BAIAP2L1: variants seen among roughly 807,000 people sequenced by gnomAD.
BAIAP2L1 encodes BAR/IMD domain containing adaptor protein 2 like 1, also known as BAR/IMD domain-containing adapter protein 2-like 1.
Under a neutral mutation model 66.3 loss-of-function variants are expected in BAIAP2L1, and 35 were observed. The observed-to-expected ratio is 0.53, with a 90% CI of 0.40 to 0.70. The LOEUF is 0.70. BAIAP2L1 is among the 30% of genes least tolerant of loss of function. The pLI, the probability that BAIAP2L1 is intolerant of heterozygous loss-of-function variation, is 0.00. For synonymous variants in BAIAP2L1, 269 were observed against 248.7 expected (o/e 1.08, Z -0.77); for missense variants, 622 against 656.9 (o/e 0.95, Z 0.58).
intron 12 of BAIAP2L1, among the ~76,000 whole-genome samples, chr7:98,297,442 G>A (rs567141851): frequency 2.0e-5 from 3 of 152,230 alleles, no homozygotes; most frequent in South Asian, 4.1e-4. Flanking sequence ...CACTGCAGAG[G>A]GCAGGACAGA....
chr7:98,302,468 G>T (rs769014384), intron 12 of BAIAP2L1, among the ~76,000 whole-genome samples: 2 of 152,140 alleles, frequency 1.3e-5, no homozygotes, highest in African/African-American at 2.4e-5. Flanking sequence ...ACGTCCACAC[G>T]TGCCTCCTCA....
At chr7:98,315,743 G>T (rs1215023761) in intron 6 of BAIAP2L1, 131 bp from the exon 7 acceptor site, 2 of 387,894 alleles carry the variant, frequency 5.2e-6, no homozygotes, top group African/African-American at 4.1e-5. Flanking sequence ...AAATACATGA[G>T]AGGAAAGAAT....
chr7:98,373,032 G>A (rs1214823524), intron 1 of BAIAP2L1, among the ~76,000 whole-genome samples: 8 of 152,172 alleles, frequency 5.3e-5, no homozygotes, highest in African/African-American at 7.2e-5. Context: ...GAGCCAGCAC[G>A]CCCGGTCAAG....
At chr7:98,366,816 T>A (rs1802397985) in intron 1 of BAIAP2L1, among the ~76,000 whole-genome samples, 1 of 152,200 alleles carries the variant, frequency 6.6e-6, no homozygotes, top group Non-Finnish European at 1.5e-5. Context: ...CAAAGCCTCA[T>A]TACGTAGCCA....
rs1482114333 is a variant in BAIAP2L1 at position 98,320,105 on chromosome 7, T to C, written c.301A>G (p.Ile101Val). 1 of 1,613,340 alleles carries C rather than the reference T, an allele frequency of 6.2e-7. No homozygotes were observed. The highest frequency in any genetic ancestry group is 1.1e-5 in the South Asian group (1 of 90,950). Residue 101 changes from isoleucine to valine, a missense_variant, in exon 5 of 14, where the codon ATC becomes GTC. Ile to Val is a conservative substitution (Grantham distance 29). Coordinates refer to ENST00000005260, the MANE Select transcript of BAIAP2L1 (RefSeq NM_018842.5). Reference protein sequence around the residue: ...ENFKKFHKEIIHELEKKIELD... With the variant: ...ENFKKFHKEIVHELEKKIELD... ...TCTATCTTCTTCTCCAGCTCATGGATAATCTCTTTGTGGAATTTTTTAAAC... is the reference window on the plus strand; with the variant it reads ...TCTATCTTCTTCTCCAGCTCATGGACAATCTCTTTGTGGAATTTTTTAAAC...
Position 98,291,656 on chromosome 7 carries a change from C to T in BAIAP2L1, c.*1865G>A, listed in dbSNP as rs1436684540. On this transcript the variant is annotated 3_prime_UTR_variant, in exon 14 of 14. Transcript: ENST00000005260. The stretch of plus-strand genomic sequence containing the variant: ...CGCTTACAGCTCAAGAAAATGTTTT[C>T]AAGTTCTGCTTTATTATTAAAGTTG... The T allele has an allele frequency of 7.0e-5, 26 of 369,690 alleles. No homozygotes were observed. In the Admixed American group the frequency reaches 1.2e-3, roughly 17 times the overall value. 22.9% of individuals were successfully genotyped at this position (369,690 alleles called of 1,614,324 possible).
chr7:98,339,770 T>C (rs965574350), intron 3 of BAIAP2L1, among the ~76,000 whole-genome samples: 19 of 152,250 alleles, frequency 1.2e-4, no homozygotes, highest in African/African-American at 4.6e-4. Context: ...AGTGTTTTCG[T>C]TCCTGACCCT....
intron 3 of BAIAP2L1, among the ~76,000 whole-genome samples, chr7:98,337,420 C>T (rs951004067): frequency 2.0e-5 from 3 of 152,110 alleles, no homozygotes; most frequent in Non-Finnish European, 2.9e-5. Context: ...TTAGTAGAGA[C>T]GGGGCTTTGC....
At chr7:98,339,010 TTGAGG>T (rs1448179348) in intron 3 of BAIAP2L1, among the ~76,000 whole-genome samples, 1 of 150,838 alleles carries the variant, frequency 6.6e-6, no homozygotes, top group East Asian at 1.9e-4. Flanking sequence ...GAGGCAGAGG[TTGAGG>T]TGAGGTGAGA....
chr7:98,362,010 A>G (rs1802278149), intron 2 of BAIAP2L1, among the ~76,000 whole-genome samples: 1 of 152,242 alleles, frequency 6.6e-6, no homozygotes, highest in Admixed American at 6.5e-5. Flanking sequence ...ATTCTTTTAT[A>G]TACATAAAAG....
chr7:98,395,437 A>C (rs1442340683), intron 1 of BAIAP2L1, among the ~76,000 whole-genome samples: 1 of 33,378 alleles, frequency 3.0e-5, no homozygotes, highest in Non-Finnish European at 9.2e-5. Context: ...AGACTGTCTC[A>C]AAAAAAAAAA....
chr7:98,349,464 C>T lies in BAIAP2L1; in HGVS notation c.214+5578G>A, dbSNP rs549780115. Among the ~76,000 whole-genome samples, 27 of 152,240 alleles carry T rather than the reference C, an allele frequency of 1.8e-4. No homozygotes were observed. In the East Asian group the frequency reaches 2.1e-3, roughly 12 times the overall value. Reference sequence around the variant, plus strand: ...ACTATCCTTACCCCGTAACTCCTGGCGTTTATGGTTGGAACCCCAGTGAAA... The same window carrying T: ...ACTATCCTTACCCCGTAACTCCTGGTGTTTATGGTTGGAACCCCAGTGAAA... On this transcript the variant is annotated intron_variant, in intron 3 of 13. Coordinates refer to ENST00000005260, the MANE Select transcript of BAIAP2L1 (RefSeq NM_018842.5).
intron 1 of BAIAP2L1, among the ~76,000 whole-genome samples, chr7:98,395,980 T>C (rs1391602463): frequency 2.0e-5 from 3 of 152,216 alleles, no homozygotes; most frequent in South Asian, 4.1e-4. Context: ...ATTCTTGTCT[T>C]GCACAGACCT....
chr7:98,367,290 CA>C (rs1300626415), intron 1 of BAIAP2L1, among the ~76,000 whole-genome samples: 1 of 152,142 alleles, frequency 6.6e-6, no homozygotes, highest in Non-Finnish European at 1.5e-5. Flanking sequence ...GTCACTGCTA[CA>C]GTTCTATTAA....
chr7:98,348,482 G>A (rs1801925102), intron 3 of BAIAP2L1, among the ~76,000 whole-genome samples: 1 of 149,560 alleles, frequency 6.7e-6, no homozygotes, highest in African/African-American at 2.5e-5. Flanking sequence ...CACGAGAATC[G>A]CTTGAACCCG....
chr7:98,338,219 T>C (rs1382939999), intron 3 of BAIAP2L1, among the ~76,000 whole-genome samples: 1 of 151,756 alleles, frequency 6.6e-6, no homozygotes, highest in East Asian at 1.9e-4. Flanking sequence ...GATCACGAGG[T>C]CAGGAGATCG....
At chr7:98,365,028 A>T (rs1584488173) in intron 1 of BAIAP2L1, among the ~76,000 whole-genome samples, 1 of 136,232 alleles carries the variant, frequency 7.3e-6, no homozygotes, top group African/African-American at 2.7e-5. Context: ...AAGAGCTATT[A>T]CTCCACTGTC....
chr7:98,324,586 A>G (rs1801332704), intron 3 of BAIAP2L1, among the ~76,000 whole-genome samples: 1 of 152,168 alleles, frequency 6.6e-6, no homozygotes, highest in Non-Finnish European at 1.5e-5. Context: ...CAGGTGTGGT[A>G]GCTCAAGTCC....
At chr7:98,369,907 A>T (rs1802472196) in intron 1 of BAIAP2L1, among the ~76,000 whole-genome samples, 1 of 152,006 alleles carries the variant, frequency 6.6e-6, no homozygotes. Context: ...CCTGACCGCA[A>T]GTGATTCATC....
Sources: gnomAD v4.1 joint callset for allele counts (sites outside exome capture counted in the v4.1 genomes callset) on GRCh38, gnomAD v4.1.1 for gene constraint, MANE v1.5 for transcripts, NCBI Gene and HGNC (gene_info 2026-07-23, HGNC 2026-07-21) for gene names.